Variants in HPRT1 observed in about 807,000 individuals in gnomAD.
HPRT1 encodes the protein hypoxanthine-guanine phosphoribosyltransferase.
A neutral mutation model predicts 19.0 loss-of-function variants in HPRT1; 4 were observed. The observed-to-expected ratio is 0.21, with a 90% CI of 0.10 to 0.48. HPRT1 has a LOEUF of 0.48. Among genes scored for constraint, HPRT1 ranks in the 20% least tolerant of loss-of-function variants. The probability of loss-of-function intolerance (pLI) is 0.98; values close to 1 mark genes in which losing one functional copy is unlikely to be tolerated. For synonymous variants in HPRT1, 53 were observed against 54.9 expected, an observed-to-expected ratio of 0.97 and a Z score of 0.15; for missense variants, 65 against 164.0, an observed-to-expected ratio of 0.40 and a Z score of 3.30.
chrX:134,468,535 C>T (rs1490455987), intron 1 of HPRT1, among the ~76,000 whole-genome samples: 1 of 109,874 alleles, frequency 9.1e-6, no homozygotes, highest in Non-Finnish European at 1.9e-5. Flanking sequence ...GCAGGCAGAT[C>T]ACCTGAGGTG....
chrX:134,480,806 T>G (rs2077637434), intron 3 of HPRT1, among the ~76,000 whole-genome samples: 1 of 88,581 alleles, frequency 1.1e-5, no homozygotes, highest in Admixed American at 1.2e-4. Context: ...TATGTGTATT[T>G]GTGTGTGTGT....
intron 4 of HPRT1, among the ~76,000 whole-genome samples, chrX:134,488,054 A>G: frequency 8.9e-6 from 1 of 111,782 alleles, no homozygotes; most frequent in South Asian, 3.9e-4. Flanking sequence ...TTTATTATGG[A>G]AAAATCAATA....
chrX:134,461,468 C>G (rs1043935995), intron 1 of HPRT1, among the ~76,000 whole-genome samples: 1 of 112,387 alleles, frequency 8.9e-6, no homozygotes, highest in Non-Finnish European at 1.9e-5. Flanking sequence ...CGGAGTCTAA[C>G]TGGGAATCCA....
chrX:134,493,641 A>G lies in HPRT1; in HGVS notation c.485+51A>G, dbSNP rs746947793. ...TATTTTCCTCATTTGAAGGGGGATT[A>G]AGTGATTGCTTCTTTTTAAGGATAA... On this transcript the variant is annotated intron_variant, in intron 6 of 8. Coordinates refer to ENST00000298556, the MANE Select transcript of HPRT1 (RefSeq NM_000194.3). 1.9e-5 allele frequency: 15 copies of G among 771,526 alleles called. No individual in the cohort carries two copies. The South Asian group carries it at 3.1e-4, about 16-fold the overall frequency. The allele number at this position is 771,526 out of a possible 1,213,427, so 63.6% of individuals were successfully genotyped here.
intron 3 of HPRT1, among the ~76,000 whole-genome samples, chrX:134,484,053 C>T (rs1421040769): frequency 9.0e-6 from 1 of 111,693 alleles, no homozygotes; most frequent in Non-Finnish European, 1.9e-5. Context: ...GGTTTGGATG[C>T]TAATAGAACA....
chrX:134,496,586 G>T (rs2077680835), intron 6 of HPRT1, among the ~76,000 whole-genome samples: 2 of 111,994 alleles, frequency 1.8e-5, no homozygotes, highest in Non-Finnish European at 1.9e-5. Flanking sequence ...GCTGTGATTG[G>T]CTTGTTATGT....
chrX:134,478,312 A>G (rs1287978314), intron 3 of HPRT1, among the ~76,000 whole-genome samples: 3 of 112,159 alleles, frequency 2.7e-5, no homozygotes, highest in Non-Finnish European at 5.6e-5. Flanking sequence ...CTTATTAAAG[A>G]AAACATGCTT....
chrX:134,460,471 A>G, intron 1 of HPRT1, 133 bp downstream of exon 1: 1 of 455,277 alleles, frequency 2.2e-6, no homozygotes, highest in Middle Eastern at 8.1e-4. Flanking sequence ...GGGGGCGGCC[A>G]GTTTCCCGGG....
intron 3 of HPRT1, among the ~76,000 whole-genome samples, chrX:134,476,213 C>T (rs1443379449): frequency 8.9e-6 from 1 of 111,746 alleles, no homozygotes; most frequent in African/African-American, 3.3e-5. Flanking sequence ...AACTATCAAC[C>T]TCATCCTCTC....
chrX:134,471,502 A>G (rs1292999316), intron 1 of HPRT1, among the ~76,000 whole-genome samples: 1 of 111,971 alleles, frequency 8.9e-6, no homozygotes, highest in Non-Finnish European at 1.9e-5. Flanking sequence ...TGAGTTGACT[A>G]TAATAATCTT....
chrX:134,466,424 G>GAA (rs1205574444), intron 1 of HPRT1, among the ~76,000 whole-genome samples: 3 of 61,689 alleles, frequency 4.9e-5, no homozygotes, highest in Admixed American at 1.9e-4. Flanking sequence ...TCTCAAAAAA[G>GAA]AAAAAAAAAA....
chrX:134,460,525 C>T (rs2077580142), intron 1 of HPRT1, 187 bp downstream of exon 1: 1 of 276,501 alleles, frequency 3.6e-6, no homozygotes, highest in East Asian at 6.2e-5. Flanking sequence ...GACGGAATGG[C>T]GGGGTTTGGG....
At chrX:134,472,171 G>A (rs1246866890) in intron 1 of HPRT1, among the ~76,000 whole-genome samples, 1 of 109,934 alleles carries the variant, frequency 9.1e-6, no homozygotes, top group Non-Finnish European at 1.9e-5. Flanking sequence ...ACGGGGTCTT[G>A]CTACATTCCC....
chrX:134,472,129 C>T (rs2077611915), intron 1 of HPRT1, among the ~76,000 whole-genome samples: 2 of 110,560 alleles, frequency 1.8e-5, no homozygotes, highest in African/African-American at 6.6e-5. Flanking sequence ...CACCACCATA[C>T]CTGGCAAATT....
chrX:134,480,281 T>C (rs889578381), intron 3 of HPRT1, among the ~76,000 whole-genome samples: 7 of 111,104 alleles, frequency 6.3e-5, no homozygotes, highest in African/African-American at 2.3e-4. Context: ...GTCACTCTTA[T>C]TTGGAAAAAC....
At chrX:134,491,974 T>A (rs1386335743) in intron 5 of HPRT1, among the ~76,000 whole-genome samples, 1 of 99,956 alleles carries the variant, frequency 1.0e-5, no homozygotes, top group African/African-American at 3.7e-5. Context: ...CACACATATA[T>A]AAATATATAT....
chrX:134,486,370 C>A, intron 3 of HPRT1, 95 bp from the exon 4 acceptor site: 1 of 389,864 alleles, frequency 2.6e-6, no homozygotes, highest in South Asian at 7.1e-5. Flanking sequence ...TTCTAGTTCT[C>A]ATTTAATTTG....
intron 3 of HPRT1, among the ~76,000 whole-genome samples, chrX:134,486,189 T>A (rs2077652185): frequency 9.0e-6 from 1 of 111,573 alleles, no homozygotes; most frequent in Admixed American, 9.6e-5. Context: ...ACCCATTTTT[T>A]AGGACTCTTA....
chrX:134,464,055 C>A (rs755795272), intron 1 of HPRT1, among the ~76,000 whole-genome samples: 5 of 111,135 alleles, frequency 4.5e-5, no homozygotes, highest in Non-Finnish European at 9.4e-5. Context: ...CCACTGTACA[C>A]ACTAATAAAA....
Sources: gnomAD v4.1 joint callset for allele counts (sites outside exome capture counted in the v4.1 genomes callset) on GRCh38, gnomAD v4.1.1 for gene constraint, MANE v1.5 for transcripts, NCBI Gene and HGNC (gene_info 2026-07-23, HGNC 2026-07-21) for gene names.